XKR3: variants seen among roughly 807,000 people sequenced by gnomAD.
XKR3 encodes the protein XK-related protein 3.
A neutral mutation model predicts 40.3 loss-of-function variants in XKR3; 27 were observed. That is an observed-to-expected ratio of 0.67 (90% CI 0.49 to 0.92). The LOEUF (loss-of-function observed/expected upper bound fraction) is 0.92. XKR3 is among the 40% of genes least tolerant of loss of function. The pLI, the probability that XKR3 is intolerant of heterozygous loss-of-function variation, is 0.00. For missense variants in XKR3, 472 were observed against 537.6 expected (o/e 0.88, Z 1.21); for synonymous variants, 193 against 195.4 (o/e 0.99, Z 0.10).
At chr22:16,796,167 T>C (rs1476614463) in intron 3 of XKR3, among the ~76,000 whole-genome samples, 1 of 152,100 alleles carries the variant, frequency 6.6e-6, no homozygotes, top group Non-Finnish European at 1.5e-5. Context: ...AGATTGAAAC[T>C]GAATAGGCCA....
At chr22:16,798,199 A>G (rs2060151022) in intron 3 of XKR3, among the ~76,000 whole-genome samples, 2 of 151,520 alleles carry the variant, frequency 1.3e-5, no homozygotes, top group Non-Finnish European at 3.0e-5. Context: ...AAAAACAACA[A>G]CAACAAAAAC....
chr22:16,824,713 T>G (rs936152334), intron 1 of XKR3, among the ~76,000 whole-genome samples: 3 of 152,212 alleles, frequency 2.0e-5, no homozygotes, highest in Non-Finnish European at 2.9e-5. Context: ...ATGATATTAA[T>G]GCAGATTGCA....
chr22:16,812,056 AG>A (rs1430116434), intron 1 of XKR3, among the ~76,000 whole-genome samples: 4 of 152,196 alleles, frequency 2.6e-5, no homozygotes, highest in African/African-American at 7.2e-5. Flanking sequence ...AAACAAAAAA[AG>A]GTTTAATATT....
chr22:16,785,552 T>A (rs371230235), intron 3 of XKR3, among the ~76,000 whole-genome samples: 2 of 151,994 alleles, frequency 1.3e-5, no homozygotes, highest in Admixed American at 6.6e-5. Flanking sequence ...ATTTTACATA[T>A]ACATGCAGGT....
chr22:16,788,286 A>G (rs1362138497), intron 3 of XKR3, among the ~76,000 whole-genome samples: 1 of 152,198 alleles, frequency 6.6e-6, no homozygotes, highest in East Asian at 1.9e-4. Context: ...GGATATGACC[A>G]AAGCAGTTTT....
chr22:16,806,758 A>G (rs2060191502), intron 2 of XKR3, among the ~76,000 whole-genome samples: 1 of 152,172 alleles, frequency 6.6e-6, no homozygotes, highest in Non-Finnish European at 1.5e-5. Context: ...TTTTAAATCA[A>G]TAACAAAACA....
chr22:16,808,526 A>G (rs1277033901), intron 1 of XKR3, among the ~76,000 whole-genome samples: 1 of 152,240 alleles, frequency 6.6e-6, no homozygotes, highest in Non-Finnish European at 1.5e-5. Context: ...ATTCCTGATT[A>G]GTAAAGGAAT....
At chr22:16,821,657 G>T (rs1183763852) in intron 1 of XKR3, 1 of 152,024 alleles carries the variant, frequency 6.6e-6, no homozygotes, top group East Asian at 1.9e-4. Context: ...GTGGGAGGGA[G>T]TTTCACTGAT....
intron 1 of XKR3, chr22:16,821,818 TGG>T (rs2060257479): frequency 6.6e-6 from 1 of 152,152 alleles, no homozygotes; most frequent in Non-Finnish European, 1.5e-5. Flanking sequence ...TTAAATTTTT[TGG>T]ACTTCAATAT....
chr22:16,818,464 G>A lies in XKR3; in HGVS notation c.-11+6827C>T, dbSNP rs143697392. ...CAATTCTGAATCTCCAATAGGCACA[G>A]ACAAAAAGAGCTTCAAGAAAATCCT... On this transcript the variant is annotated intron_variant, in intron 1 of 3. Transcript: ENST00000684488. 4.1e-3 allele frequency among the ~76,000 whole-genome samples: 629 copies of A among 152,214 alleles called. 2 individuals are homozygous for A. Among genetic ancestry groups the A allele is most frequent in the African/African-American group, 0.014 (588 of 41,556 alleles).
At chr22:16,818,051 C>G (rs1173229999) in intron 1 of XKR3, among the ~76,000 whole-genome samples, 1 of 152,006 alleles carries the variant, frequency 6.6e-6, no homozygotes, top group Non-Finnish European at 1.5e-5. Context: ...TGCTATAAAT[C>G]ATTGGCTTTT....
At chr22:16,801,766 C>CA (rs1377019612) in intron 2 of XKR3, among the ~76,000 whole-genome samples, 3 of 149,902 alleles carry the variant, frequency 2.0e-5, no homozygotes, top group South Asian at 4.2e-4. Flanking sequence ...CATTTCAATG[C>CA]AAAAAAAGTG....
chr22:16,823,550 AC>A (rs1371589111), intron 1 of XKR3, among the ~76,000 whole-genome samples: 1 of 152,138 alleles, frequency 6.6e-6, no homozygotes, highest in Non-Finnish European at 1.5e-5. Context: ...AAACTTAAAC[AC>A]CTTACTTTTG....
chr22:16,808,660 TAG>T (rs969425598), intron 1 of XKR3, among the ~76,000 whole-genome samples: 3 of 152,208 alleles, frequency 2.0e-5, no homozygotes, highest in Non-Finnish European at 4.4e-5. Context: ...TCAATTTAAA[TAG>T]ATGTAAAATC....
chr22:16,815,593 T>C (rs1163398164), intron 1 of XKR3, among the ~76,000 whole-genome samples: 1 of 151,994 alleles, frequency 6.6e-6, no homozygotes, highest in Non-Finnish European at 1.5e-5. Flanking sequence ...TAAAAAAGAA[T>C]GTTTTCTTGG....
intron 2 of XKR3, among the ~76,000 whole-genome samples, chr22:16,805,318 A>C (rs1253425150): frequency 5.3e-5 from 8 of 152,204 alleles, no homozygotes; most frequent in African/African-American, 1.7e-4. Flanking sequence ...TGCTTTAAAA[A>C]CCTTATTTAT....
chr22:16,817,685 A>G (rs1453911349), intron 1 of XKR3, among the ~76,000 whole-genome samples: 1 of 152,182 alleles, frequency 6.6e-6, no homozygotes, highest in East Asian at 1.9e-4. Context: ...TATCCAGTTT[A>G]TCCCAAATTA....
chr22:16,797,401 G>A (rs1473722639), intron 3 of XKR3, among the ~76,000 whole-genome samples: 2 of 152,200 alleles, frequency 1.3e-5, no homozygotes, highest in Non-Finnish European at 2.9e-5. Context: ...CACAATGGGA[G>A]AAGATATTTG....
chr22:16,789,307 TCA>T (rs1291772262), intron 3 of XKR3, among the ~76,000 whole-genome samples: 1 of 152,128 alleles, frequency 6.6e-6, no homozygotes, highest in Non-Finnish European at 1.5e-5. Context: ...AGAAAATCAG[TCA>T]AGTTTCAGTT....
Sources: gnomAD v4.1 joint callset for allele counts (sites outside exome capture counted in the v4.1 genomes callset) on GRCh38, gnomAD v4.1.1 for gene constraint, MANE v1.5 for transcripts, NCBI Gene and HGNC (gene_info 2026-07-23, HGNC 2026-07-21) for gene names.